The following WIPF3 variants were observed in gnomAD, a reference collection of about 807,000 sequenced individuals.
WIPF3 encodes the protein WAS/WASL-interacting protein family member 3.
WIPF3 carries 33 observed loss-of-function variants against 38.9 expected under a neutral mutation model. The observed-to-expected ratio is 0.85, with a 90% CI of 0.64 to 1.14. The LOEUF (loss-of-function observed/expected upper bound fraction) is 1.14, where lower values mean the gene tolerates loss of function less well. Among genes scored for constraint, WIPF3 ranks in the 50% most tolerant of loss-of-function variants. WIPF3 has a pLI of 0.00. For synonymous variants in WIPF3, 324 were observed against 269.3 expected (o/e 1.20, Z -1.99); for missense variants, 711 against 652.5 (o/e 1.09, Z -0.98).
intron 2 of WIPF3, among the ~76,000 whole-genome samples, chr7:29,864,569 G>A (rs1394732121): frequency 6.6e-6 from 1 of 152,132 alleles, no homozygotes; most frequent in Non-Finnish European, 1.5e-5. Flanking sequence ...CTGTCTGTAT[G>A]GAAACAAATA....
chr7:29,868,942 G>A (rs548233695), intron 2 of WIPF3, among the ~76,000 whole-genome samples: 1 of 152,224 alleles, frequency 6.6e-6, no homozygotes, highest in East Asian at 1.9e-4. Context: ...TCATTATGCA[G>A]AGAATGTGCA....
chr7:29,884,014 C>T lies in WIPF3; in HGVS notation c.520C>T (p.Pro174Ser). ...TAPPRPNVPA[P>S]PPPTPPPPPP... ...CCCGCCTCGCCCCAACGTGCCTGCCCCGCCCCCTCCCACCCCACCCCCTCC... is the reference window on the plus strand; with the variant it reads ...CCCGCCTCGCCCCAACGTGCCTGCCTCGCCCCCTCCCACCCCACCCCCTCC... The change falls in exon 5 of 9, where the codon CCG becomes TCG. Residue 174 changes from proline (P) to serine (S), a missense_variant. Physicochemically the swap from Pro to Ser is moderately conservative, Grantham distance 74. Coordinates refer to ENST00000242140, the MANE Select transcript of WIPF3 (RefSeq NM_001080529.3). 6 of 1,462,806 alleles carry T rather than the reference C, an allele frequency of 4.1e-6. No homozygotes were observed. The highest frequency in any genetic ancestry group is 5.5e-6 in the Non-Finnish European group (6 of 1,100,032). The allele number at this position is 1,462,806 out of a possible 1,614,324, so 90.6% of individuals were successfully genotyped here.
At chr7:29,813,204 A>G (rs1784407187) in intron 1 of WIPF3, among the ~76,000 whole-genome samples, 2 of 152,210 alleles carry the variant, frequency 1.3e-5, no homozygotes, top group African/African-American at 4.8e-5. Context: ...TCTGATTTAA[A>G]TAAATACCCA....
intron 2 of WIPF3, among the ~76,000 whole-genome samples, chr7:29,861,453 C>G (rs1051991460): frequency 2.0e-5 from 3 of 152,190 alleles, no homozygotes; most frequent in African/African-American, 7.2e-5. Flanking sequence ...GGGGTGGTGG[C>G]AGGGGTACTG....
At chr7:29,808,922 CAT>C (rs1184802154) in intron 1 of WIPF3, among the ~76,000 whole-genome samples, 29 of 152,172 alleles carry the variant, frequency 1.9e-4, no homozygotes, top group South Asian at 2.1e-4. Context: ...TAGAGGGAAA[CAT>C]AGAATTTTCA....
chr7:29,848,549 G>T (rs73303164), intron 2 of WIPF3, among the ~76,000 whole-genome samples: 2 of 152,120 alleles, frequency 1.3e-5, no homozygotes, highest in Non-Finnish European at 2.9e-5. Flanking sequence ...CTGTGGGTTG[G>T]TCTTTCTCTA....
chr7:29,877,381 TTTA>T (rs1785622425), intron 3 of WIPF3, among the ~76,000 whole-genome samples: 1 of 152,244 alleles, frequency 6.6e-6, no homozygotes, highest in Non-Finnish European at 1.5e-5. Context: ...TCCAGTAACC[TTTA>T]ATCAAAACAC....
chr7:29,904,562 GGGCTT>G (rs1786354512), intron 8 of WIPF3, 200 bp downstream of exon 8: 2 of 552,156 alleles, frequency 3.6e-6, no homozygotes, highest in East Asian at 6.3e-5. Context: ...TGACAAAAGG[GGGCTT>G]CCCTGGAATC....
At chr7:29,845,505 G>A (rs563926719) in intron 2 of WIPF3, among the ~76,000 whole-genome samples, 3 of 152,300 alleles carry the variant, frequency 2.0e-5, no homozygotes, top group East Asian at 1.9e-4. Context: ...TATAGAATTG[G>A]CTTCTTATTC....
At chr7:29,851,988 TA>T (rs1422796529) in intron 2 of WIPF3, among the ~76,000 whole-genome samples, 6 of 152,084 alleles carry the variant, frequency 3.9e-5, no homozygotes, top group Non-Finnish European at 7.4e-5. Flanking sequence ...TACTTATTTT[TA>T]TTTTTTTAAT....
intron 2 of WIPF3, among the ~76,000 whole-genome samples, chr7:29,873,083 A>G (rs1352394177): frequency 6.6e-6 from 1 of 152,210 alleles, no homozygotes; most frequent in Admixed American, 6.5e-5. Context: ...TTTTAAGGAC[A>G]TGCAACGTTC....
chr7:29,832,646 G>A (rs889397252), intron 1 of WIPF3, among the ~76,000 whole-genome samples: 1 of 152,158 alleles, frequency 6.6e-6, no homozygotes, highest in Non-Finnish European at 1.5e-5. Context: ...AAGTGTAGTT[G>A]TGTACAACAA....
chr7:29,808,812 A>G (rs1205025266), intron 1 of WIPF3, among the ~76,000 whole-genome samples: 2 of 152,164 alleles, frequency 1.3e-5, no homozygotes, highest in Admixed American at 1.3e-4. Context: ...TTCAGAAACC[A>G]TATAGTACAG....
rs1786605428 is a variant in WIPF3, at chr7:29,915,893, A to G, written c.*1377A>G. 2.6e-5 allele frequency: 4 copies of G among 152,554 alleles called. No homozygotes were observed. In the South Asian group the frequency reaches 8.3e-4, roughly 32 times the overall value. The allele number at this position is 152,554 out of a possible 1,614,324, so 9.5% of individuals were successfully genotyped here. ...GAGGGGAGGGAAACCAGCGAAAAAG[A>G]AATTTGCTTTGCAACAACCCACGCA... On this transcript the variant is annotated 3_prime_UTR_variant, in exon 9 of 9. Transcript: ENST00000242140.
chr7:29,869,023 ACT>A (rs1785443869), intron 2 of WIPF3, among the ~76,000 whole-genome samples: 1 of 138,086 alleles, frequency 7.2e-6, no homozygotes, highest in African/African-American at 2.7e-5. Context: ...CTTCATCCCC[ACT>A]CTTTTTTTTT....
rs1296361453 is a variant in WIPF3, at chr7:29,916,854, A to C, written c.*2338A>C. On this transcript the variant is annotated 3_prime_UTR_variant, in exon 9 of 9. Coordinates refer to ENST00000242140, the MANE Select transcript of WIPF3 (RefSeq NM_001080529.3). ...CCTTCGAGCTCATGCTGGTGCACTGAGTCCCTTGGGCGCTGTAAAGGTTTA... is the reference window on the plus strand; with the variant it reads ...CCTTCGAGCTCATGCTGGTGCACTGCGTCCCTTGGGCGCTGTAAAGGTTTA... 6.6e-6 allele frequency: 1 copy of C among 152,184 alleles called. No individual in the cohort carries two copies. Among genetic ancestry groups the C allele is most frequent in the Admixed American group, 6.5e-5 (1 of 15,280 alleles). 9.4% of individuals were successfully genotyped at this position (152,184 alleles called of 1,614,324 possible). A position where few individuals can be genotyped will look rare whatever the true frequency, so the allele number is the denominator to read the frequency against.
At chr7:29,862,175 A>C (rs76232597) in intron 2 of WIPF3, among the ~76,000 whole-genome samples, 1,658 of 152,154 alleles carry the variant, frequency 0.011, 24 homozygotes, top group East Asian at 0.063. Flanking sequence ...ATCCATTTAG[A>C]TTCCTTGCTG....
chr7:29,888,229 G>A lies in WIPF3; in HGVS notation c.1249+12G>A. 1 of 1,599,828 alleles carries A rather than the reference G, an allele frequency of 6.3e-7. No individual in the cohort carries two copies. Among genetic ancestry groups the A allele is most frequent in the Non-Finnish European group, 8.5e-7 (1 of 1,173,130 alleles). On this transcript the variant is annotated intron_variant, in intron 6 of 8. Transcript: ENST00000242140. The stretch of plus-strand genomic sequence containing the variant: ...CCTGCACATCATTGGTAAGTGGGTT[G>A]CACCCTCTGCCGGTTTGGCTGCCAG...
At chr7:29,815,518 G>T (rs1432018838) in intron 1 of WIPF3, among the ~76,000 whole-genome samples, 2 of 152,092 alleles carry the variant, frequency 1.3e-5, no homozygotes, top group African/African-American at 4.8e-5. Context: ...GACAGTATCC[G>T]TATGAATTAC....
Sources: gnomAD v4.1 joint callset for allele counts (sites outside exome capture counted in the v4.1 genomes callset) on GRCh38, gnomAD v4.1.1 for gene constraint, MANE v1.5 for transcripts, NCBI Gene and HGNC (gene_info 2026-07-23, HGNC 2026-07-21) for gene names.